The following CACNA2D3 variants were observed in gnomAD, a reference collection of about 807,000 sequenced individuals.
The protein encoded by CACNA2D3 is voltage-dependent calcium channel subunit alpha-2/delta-3.
Under a neutral mutation model 160.6 loss-of-function variants are expected in CACNA2D3, and 60 were observed. The observed-to-expected ratio is 0.37, with a 90% CI of 0.30 to 0.46. The LOEUF is 0.46. Ranked by LOEUF, CACNA2D3 falls within the 20% of genes least tolerant of loss-of-function variation. The pLI, the probability that CACNA2D3 is intolerant of heterozygous loss-of-function variation, is 1.00. For missense variants in CACNA2D3, 1,205 were observed against 1,365.0 expected, an observed-to-expected ratio of 0.88 and a Z score of 1.85; for synonymous variants, 558 against 492.9, an observed-to-expected ratio of 1.13 and a Z score of -1.75.
intron 13 of CACNA2D3, chr3:54,789,982 T>C: frequency 2.5e-6 from 1 of 403,604 alleles, no homozygotes; most frequent in East Asian, 7.0e-5. Flanking sequence ...CGAGAAAGAG[T>C]CAAATAAACA....
intron 9 of CACNA2D3, among the ~76,000 whole-genome samples, chr3:54,608,013 G>C (rs1474888492): frequency 2.0e-5 from 3 of 151,842 alleles, no homozygotes; most frequent in East Asian, 1.9e-4. Context: ...GTGGAGGGGA[G>C]TATAGGGCGA....
intron 5 of CACNA2D3, among the ~76,000 whole-genome samples, chr3:54,550,336 G>A (rs529995090): frequency 6.6e-6 from 1 of 152,272 alleles, no homozygotes; most frequent in Non-Finnish European, 1.5e-5. Flanking sequence ...CTGGGCCTCG[G>A]TTCCCTCATC....
intron 2 of CACNA2D3, among the ~76,000 whole-genome samples, chr3:54,211,083 T>C (rs988534841): frequency 6.6e-6 from 1 of 152,180 alleles, no homozygotes; most frequent in Non-Finnish European, 1.5e-5. Context: ...TCACTCTCCA[T>C]CCAGATAGGT....
intron 2 of CACNA2D3, among the ~76,000 whole-genome samples, chr3:54,190,403 T>G (rs1336230376): frequency 6.6e-6 from 1 of 152,174 alleles, no homozygotes; most frequent in Non-Finnish European, 1.5e-5. Context: ...GAACACAAGT[T>G]TAGGACCTAC....
rs551829877 is a variant in CACNA2D3, at chr3:54,371,330, A to G, written c.322-15385A>G. Among the ~76,000 whole-genome samples, 11 of 152,314 alleles carry G rather than the reference A, an allele frequency of 7.2e-5. No individual in the cohort carries two copies. In the East Asian group the frequency reaches 2.1e-3, roughly 29 times the overall value. On this transcript the variant is annotated intron_variant, in intron 3 of 37. Coordinates refer to ENST00000474759, the MANE Select transcript of CACNA2D3 (RefSeq NM_018398.3). ...CATTTTACATTTCTAGGAACACTTT[A>G]CTATGAGAAAATAGGGTGATATTTT...
chr3:54,652,433 A>G (rs1699788317), intron 11 of CACNA2D3, among the ~76,000 whole-genome samples: 1 of 152,176 alleles, frequency 6.6e-6, no homozygotes, highest in African/African-American at 2.4e-5. Flanking sequence ...ATTTAATCAT[A>G]AGTCTTCTGA....
chr3:54,902,062 G>C (rs910177754), intron 27 of CACNA2D3, among the ~76,000 whole-genome samples: 4 of 152,216 alleles, frequency 2.6e-5, no homozygotes, highest in African/African-American at 9.7e-5. Flanking sequence ...ATGTGAGCAG[G>C]CTTTTCTCCC....
chr3:54,892,926 T>A (rs1416285363), intron 25 of CACNA2D3, among the ~76,000 whole-genome samples: 1 of 152,216 alleles, frequency 6.6e-6, no homozygotes, highest in African/African-American at 2.4e-5. Flanking sequence ...ATCTTCATTC[T>A]GTCCTCCTGA....
chr3:55,027,063 T>C (rs1330267513), intron 35 of CACNA2D3, among the ~76,000 whole-genome samples: 1 of 152,228 alleles, frequency 6.6e-6, no homozygotes, highest in African/African-American at 2.4e-5. Context: ...CCTCCTCCTC[T>C]TCTTTTTAGA....
intron 2 of CACNA2D3, among the ~76,000 whole-genome samples, chr3:54,189,213 C>A (rs1248973787): frequency 6.6e-6 from 1 of 152,164 alleles, no homozygotes; most frequent in African/African-American, 2.4e-5. Context: ...GAACTTAGTT[C>A]CTAGCGGGAC....
chr3:54,122,910 CTG>C lies in CACNA2D3; in HGVS notation c.122+76_122+77del, dbSNP rs1352480791. Reference sequence around the variant, plus strand: ...ACCCACTGTGCCCAAGTTTGGGCGCCTGCAGGTGCGGCTGGGCAGGACCCGCC... The same window carrying C: ...ACCCACTGTGCCCAAGTTTGGGCGCCCAGGTGCGGCTGGGCAGGACCCGCC... On this transcript the variant is annotated intron_variant, in intron 1 of 37. Coordinates refer to ENST00000474759, the MANE Select transcript of CACNA2D3 (RefSeq NM_018398.3). The C allele has an allele frequency of 9.4e-5, 110 of 1,170,656 alleles. 2 individuals are homozygous for C. The South Asian group carries it at 4.2e-3, about 44-fold the overall frequency. The allele number at this position is 1,170,656 out of a possible 1,614,324, so 72.5% of individuals were successfully genotyped here. A position where few individuals can be genotyped will look rare whatever the true frequency, so the allele number is the denominator to read the frequency against.
chr3:54,591,567 G>GTTT (rs397755008), intron 9 of CACNA2D3, among the ~76,000 whole-genome samples: 5,405 of 121,258 alleles, frequency 0.045, 259 homozygotes, highest in East Asian at 0.16. Context: ...GTTGAAAAAA[G>GTTT]TTTTTTTTTT....
chr3:54,360,264 C>T (rs375800815), intron 3 of CACNA2D3, among the ~76,000 whole-genome samples: 7 of 152,302 alleles, frequency 4.6e-5, no homozygotes, highest in Non-Finnish European at 5.9e-5. Context: ...GGATTGATTT[C>T]GGTCAGGCCA....
At chr3:54,861,553 T>C (rs568177649) in intron 17 of CACNA2D3, among the ~76,000 whole-genome samples, 1 of 152,068 alleles carries the variant, frequency 6.6e-6, no homozygotes, top group Non-Finnish European at 1.5e-5. Flanking sequence ...TATGATCTGA[T>C]TTGGGTTGTG....
At chr3:55,053,925 T>C (rs190068322) in intron 35 of CACNA2D3, among the ~76,000 whole-genome samples, 20 of 152,092 alleles carry the variant, frequency 1.3e-4, no homozygotes. Context: ...ACTGATATTA[T>C]TGGCTTGAAA....
chr3:54,469,576 G>A lies in CACNA2D3; in HGVS notation c.382-33916G>A, dbSNP rs143738175. On this transcript the variant is annotated intron_variant, in intron 4 of 37. Transcript: ENST00000474759. The stretch of plus-strand genomic sequence containing the variant: ...AAGGGAACAAAACTGGATGGAGAAT[G>A]AGTTTGATGAACTGACAGAAGTAGG... Among the ~76,000 whole-genome samples the A allele has an allele frequency of 3.7e-3, 570 of 152,208 alleles. 4 individuals carry two copies. Among genetic ancestry groups the A allele is most frequent in the African/African-American group, 0.013 (543 of 41,540 alleles).
chr3:54,463,080 C>T (rs1700538639), intron 4 of CACNA2D3, among the ~76,000 whole-genome samples: 1 of 151,966 alleles, frequency 6.6e-6, no homozygotes. Flanking sequence ...AAATTCTTTT[C>T]TTTAAGAATG....
intron 16 of CACNA2D3, among the ~76,000 whole-genome samples, chr3:54,839,665 T>A (rs1196191221): frequency 6.6e-6 from 1 of 152,168 alleles, no homozygotes; most frequent in Non-Finnish European, 1.5e-5. Flanking sequence ...CAGGGGCTTC[T>A]TTCTTGGCAC....
At chr3:54,752,243 G>A (rs1701871198) in intron 11 of CACNA2D3, among the ~76,000 whole-genome samples, 1 of 152,164 alleles carries the variant, frequency 6.6e-6, no homozygotes, top group African/African-American at 2.4e-5. Flanking sequence ...CATTTCCTGT[G>A]TGAATGGGGA....
Sources: gnomAD v4.1 joint callset for allele counts (sites outside exome capture counted in the v4.1 genomes callset) on GRCh38, gnomAD v4.1.1 for gene constraint, MANE v1.5 for transcripts, NCBI Gene and HGNC (gene_info 2026-07-23, HGNC 2026-07-21) for gene names.